Variants in FGF12 observed in about 807,000 individuals in gnomAD.
FGF12 encodes fibroblast growth factor 12, also known as fibroblast growth factor 12B.
In FGF12, 14 loss-of-function variants were observed where a neutral mutation model predicts 23.6. The observed-to-expected ratio is 0.59, with a 90% CI of 0.39 to 0.93. The LOEUF (loss-of-function observed/expected upper bound fraction) is 0.93, where lower values mean the gene tolerates loss of function less well. FGF12 is among the 40% of genes least tolerant of loss of function. The probability of loss-of-function intolerance (pLI) is 0.00; values close to 1 mark genes in which losing one functional copy is unlikely to be tolerated. For synonymous variants in FGF12, 62 were observed against 77.3 expected (o/e 0.80, Z 1.04); for missense variants, 175 against 217.8 (o/e 0.80, Z 1.24).
chr3:192,635,473 G>A (rs1715543930), intron 2 of FGF12, among the ~76,000 whole-genome samples: 1 of 152,036 alleles, frequency 6.6e-6, no homozygotes, highest in African/African-American at 2.4e-5. Flanking sequence ...AGTACAACCT[G>A]GTAAAGCTTT....
intron 4 of FGF12, among the ~76,000 whole-genome samples, chr3:192,213,315 G>A (rs911277277): frequency 3.3e-5 from 5 of 152,036 alleles, no homozygotes; most frequent in African/African-American, 1.2e-4. Flanking sequence ...TAGTCAGTAG[G>A]GAGCTCTGGA....
At position 192,207,289 on chromosome 3, in the gene FGF12, T is replaced by G. The variant is rs181399928; in HGVS notation, c.229-36633A>C. 6.6e-5 allele frequency among the ~76,000 whole-genome samples: 10 copies of G among 152,364 alleles called. No homozygotes were observed. In the East Asian group the frequency reaches 1.7e-3, roughly 26 times the overall value. On this transcript the variant is annotated intron_variant, in intron 4 of 5. Coordinates refer to ENST00000445105, the MANE Select transcript of FGF12 (RefSeq NM_004113.6). ...TCAACATAAAAAGATTATGATGTCA[T>G]GCCTCCTAAACTTAAAGGCCAGTTG...
chr3:192,669,625 A>AAAAAAAAAAAG (rs1717035450), intron 2 of FGF12, among the ~76,000 whole-genome samples: 1 of 150,868 alleles, frequency 6.6e-6, no homozygotes, highest in Non-Finnish European at 1.5e-5. Flanking sequence ...AAAAAAAAAA[A>AAAAAAAAAAAG]AAAAAAAATT....
chr3:192,725,743 T>C (rs1281380860), intron 2 of FGF12, among the ~76,000 whole-genome samples: 4 of 152,198 alleles, frequency 2.6e-5, no homozygotes, highest in African/African-American at 9.6e-5. Flanking sequence ...CATAGTAAAA[T>C]GATATTCTTT....
intron 2 of FGF12, among the ~76,000 whole-genome samples, chr3:192,447,778 G>A (rs1285157931): frequency 6.6e-6 from 1 of 152,062 alleles, no homozygotes; most frequent in Non-Finnish European, 1.5e-5. Context: ...ATATTACATA[G>A]ATCAAGCACA....
At chr3:192,639,240 A>T (rs1390309930) in intron 2 of FGF12, among the ~76,000 whole-genome samples, 1 of 152,216 alleles carries the variant, frequency 6.6e-6, no homozygotes, top group Admixed American at 6.5e-5. Context: ...GTAACTCAAA[A>T]CCACAATGAG....
intron 2 of FGF12, among the ~76,000 whole-genome samples, chr3:192,513,562 A>G (rs189197554): frequency 6.6e-6 from 1 of 152,368 alleles, no homozygotes. Context: ...CTTTCCAAAT[A>G]TAATTTTCAT....
intron 2 of FGF12, among the ~76,000 whole-genome samples, chr3:192,387,428 G>A (rs771363374): frequency 2.0e-4 from 31 of 152,070 alleles, no homozygotes; most frequent in African/African-American, 5.8e-4. Context: ...AGAAAATAGC[G>A]TATTAATAAA....
intron 4 of FGF12, among the ~76,000 whole-genome samples, chr3:192,231,499 G>T (rs959503827): frequency 2.6e-5 from 4 of 152,220 alleles, no homozygotes; most frequent in African/African-American, 4.8e-5. Flanking sequence ...GCCAGGTGCA[G>T]TGGCTCATGC....
intron 4 of FGF12, among the ~76,000 whole-genome samples, chr3:192,244,225 C>T (rs1560031614): frequency 6.6e-6 from 1 of 152,014 alleles, no homozygotes; most frequent in Non-Finnish European, 1.5e-5. Flanking sequence ...TGCAGATATA[C>T]TATAAAATGT....
chr3:192,335,488 GA>G (rs1717356740), intron 3 of FGF12, 24 bp from the exon 4 acceptor site: 2 of 1,392,920 alleles, frequency 1.4e-6, no homozygotes, highest in East Asian at 4.6e-5. Context: ...AAGAAGGGCG[GA>G]AAGGATCAGT....
intron 2 of FGF12, among the ~76,000 whole-genome samples, chr3:192,443,612 T>G (rs1722268234): frequency 6.6e-6 from 1 of 152,200 alleles, no homozygotes; most frequent in Non-Finnish European, 1.5e-5. Flanking sequence ...GCTCAATATT[T>G]AAAATAACAT....
chr3:192,630,776 C>T (rs984497471), intron 2 of FGF12, among the ~76,000 whole-genome samples: 26 of 151,262 alleles, frequency 1.7e-4, no homozygotes, highest in Admixed American at 1.2e-3. Flanking sequence ...GCCAGGATGG[C>T]CTCAATCTCC....
chr3:192,600,797 A>G (rs1270980090), intron 2 of FGF12, among the ~76,000 whole-genome samples: 1 of 152,166 alleles, frequency 6.6e-6, no homozygotes, highest in Non-Finnish European at 1.5e-5. Context: ...ACAGAAAATA[A>G]CAAATGCTGG....
intron 4 of FGF12, among the ~76,000 whole-genome samples, chr3:192,258,343 A>G (rs2108614596): frequency 6.6e-6 from 1 of 152,256 alleles, no homozygotes. Flanking sequence ...GTGTAGTCCC[A>G]GCTACTAAGG....
chr3:192,199,563 G>C (rs1717251934), intron 4 of FGF12, among the ~76,000 whole-genome samples: 1 of 152,192 alleles, frequency 6.6e-6, no homozygotes. Context: ...AATAAATGTA[G>C]AAACCTCACC....
At chr3:192,660,978 G>A (rs571201826) in intron 2 of FGF12, among the ~76,000 whole-genome samples, 1 of 96,848 alleles carries the variant, frequency 1.0e-5, no homozygotes, top group African/African-American at 4.1e-5. Context: ...GAAAACCCTA[G>A]TTCTTTAAAA....
chr3:192,354,218 T>C (rs936434043), intron 3 of FGF12, among the ~76,000 whole-genome samples: 1 of 152,214 alleles, frequency 6.6e-6, no homozygotes, highest in Non-Finnish European at 1.5e-5. Context: ...CTAATGAAAG[T>C]GTATTTGTAT....
intron 4 of FGF12, among the ~76,000 whole-genome samples, chr3:192,311,165 C>T (rs1715911901): frequency 6.6e-6 from 1 of 152,104 alleles, no homozygotes; most frequent in African/African-American, 2.4e-5. Context: ...CCATACAATA[C>T]AGTTCACTCA....
Sources: allele counts gnomAD v4.1 joint callset (sites outside exome capture counted in the v4.1 genomes callset), GRCh38; gene constraint gnomAD v4.1.1; transcripts MANE v1.5; gene names NCBI Gene and HGNC (gene_info 2026-07-23, HGNC 2026-07-21).